NR3C1: variants seen among roughly 807,000 people sequenced by gnomAD.
NR3C1 encodes the protein glucocorticoid receptor.
In NR3C1, 14 loss-of-function variants were observed where a neutral mutation model predicts 74.0. That is an observed-to-expected ratio of 0.19 (90% confidence interval 0.12 to 0.30). The LOEUF is 0.30. Ranked by LOEUF, NR3C1 falls within the 10% of genes least tolerant of loss-of-function variation. The probability of loss-of-function intolerance (pLI) is 1.00; values close to 1 mark genes in which losing one functional copy is unlikely to be tolerated. For synonymous variants in NR3C1, 308 were observed against 332.5 expected (o/e 0.93, Z 0.80); for missense variants, 695 against 909.8 (o/e 0.76, Z 3.04).
At chr5:143,391,282 C>T (rs1365299736) in intron 2 of NR3C1, among the ~76,000 whole-genome samples, 1 of 152,064 alleles carries the variant, frequency 6.6e-6, no homozygotes, top group Non-Finnish European at 1.5e-5. Context: ...ATTTGTTTAA[C>T]TGAAGTTTTT....
intron 2 of NR3C1, among the ~76,000 whole-genome samples, chr5:143,368,718 C>T (rs1300738724): frequency 6.6e-6 from 1 of 152,072 alleles, no homozygotes; most frequent in Non-Finnish European, 1.5e-5. Context: ...ATAAAAAACA[C>T]AATGAGATAC....
intron 2 of NR3C1, among the ~76,000 whole-genome samples, chr5:143,323,291 G>A (rs1823769209): frequency 6.6e-6 from 1 of 152,172 alleles, no homozygotes; most frequent in Admixed American, 6.5e-5. Flanking sequence ...CACATGGCTG[G>A]GGAAGCCTCA....
chr5:143,433,835 A>C (rs915542982), intron 1 of NR3C1: 1 of 152,286 alleles, frequency 6.6e-6, no homozygotes, highest in African/African-American at 2.4e-5. Context: ...AACCTAAGGC[A>C]GGTCAGGGCG....
At position 143,403,602 on chromosome 5, in the gene NR3C1, C is replaced by G; in HGVS notation, c.-405G>C. The G allele has an allele frequency of 1.0e-6, 1 of 986,032 alleles. No homozygotes were observed. Among genetic ancestry groups the G allele is most frequent in the Non-Finnish European group, 1.2e-6 (1 of 830,378 alleles). The allele number at this position is 986,032 out of a possible 1,614,324, so 61.1% of individuals were successfully genotyped here. On this transcript the variant is annotated 5_prime_UTR_variant, in exon 1 of 9. Transcript: ENST00000394464. ...GCTCGCAAAATGGAGGAGGCGGCGG[C>G]GGAGGGAAGAGAGCGCGGACACGCG...
intron 2 of NR3C1, among the ~76,000 whole-genome samples, chr5:143,328,957 G>A (rs1825272393): frequency 6.6e-6 from 1 of 152,108 alleles, no homozygotes; most frequent in Non-Finnish European, 1.5e-5. Context: ...CCTCCAAACT[G>A]TTCTAACCAC....
chr5:143,307,175 C>T (rs1235446459), intron 4 of NR3C1, among the ~76,000 whole-genome samples: 2 of 152,150 alleles, frequency 1.3e-5, no homozygotes, highest in African/African-American at 2.4e-5. Flanking sequence ...GGATTACAGG[C>T]ATGAGCCACC....
At chr5:143,299,010 T>G (rs1015324565) in intron 5 of NR3C1, among the ~76,000 whole-genome samples, 198 bp from the exon 6 acceptor site, 148 of 147,004 alleles carry the variant, frequency 1.0e-3, no homozygotes, top group African/African-American at 3.5e-3. Flanking sequence ...CTTGTGTTTT[T>G]TTTTTTTTTT....
At chr5:143,405,324 A>G (rs1379757148), upstream of NR3C1, 5 of 985,198 alleles carry the variant, frequency 5.1e-6, no homozygotes, top group African/African-American at 1.7e-5. Context: ...GGCCACAGCC[A>G]CTCTCTCACC....
chr5:143,296,646 C>T (rs866203689), intron 6 of NR3C1, among the ~76,000 whole-genome samples: 9 of 151,992 alleles, frequency 5.9e-5, no homozygotes, highest in African/African-American at 1.4e-4. Context: ...TCCCCCACAA[C>T]GTTCTGACCT....
At chr5:143,354,917 C>T (rs1285392473) in intron 2 of NR3C1, among the ~76,000 whole-genome samples, 24 of 134,628 alleles carry the variant, frequency 1.8e-4, no homozygotes, top group African/African-American at 6.4e-4. Flanking sequence ...AGCAAAAGTC[C>T]GTCTCAAAAA....
intron 2 of NR3C1, 45 bp from the exon 3 acceptor site, chr5:143,314,213 A>G (rs373316995): frequency 7.0e-5 from 112 of 1,593,426 alleles, no homozygotes; most frequent in African/African-American, 5.4e-4. Context: ...TGTCAAAGGA[A>G]TATCAAAATA....
At chr5:143,299,343 TA>T (rs374503509) in intron 5 of NR3C1, among the ~76,000 whole-genome samples, 2,858 of 127,154 alleles carry the variant, frequency 0.022, 19 homozygotes, top group Non-Finnish European at 0.029. Flanking sequence ...GCTTTTAATG[TA>T]AAAAAAAAAA....
chr5:143,422,256 T>C (rs13170129), intron 1 of NR3C1, among the ~76,000 whole-genome samples: 27,677 of 152,204 alleles, frequency 0.18, 2,729 homozygotes, highest in Middle Eastern at 0.35. Context: ...ATATCTGGGC[T>C]CTGCCTCCCA....
At chr5:143,310,801 G>C (rs1261835843) in intron 3 of NR3C1, among the ~76,000 whole-genome samples, 1 of 152,058 alleles carries the variant, frequency 6.6e-6, no homozygotes, top group Non-Finnish European at 1.5e-5. Flanking sequence ...GGGATTACAG[G>C]TGCACGCCAC....
chr5:143,279,931 AT>A lies in NR3C1; in HGVS notation c.*1957del, dbSNP rs1812852199. On this transcript the variant is annotated 3_prime_UTR_variant, in exon 9 of 9. Transcript: ENST00000394464. ...TTTACATACTTTAGTGCAAGGGGAG[AT>A]TGAGTAAACTAAACCTGCGCTGACA... 1 of 152,874 alleles carries A rather than the reference AT, an allele frequency of 6.5e-6. No homozygotes were observed. Among genetic ancestry groups the A allele is most frequent in the Non-Finnish European group, 1.5e-5 (1 of 68,360 alleles). The allele number at this position is 152,874 out of a possible 1,614,324, so 9.5% of individuals were successfully genotyped here. A position where few individuals can be genotyped will look rare whatever the true frequency, so the allele number is the denominator to read the frequency against.
intron 1 of NR3C1, 117 bp downstream of exon 1, chr5:143,403,094 C>A: frequency 2.3e-6 from 2 of 871,600 alleles, no homozygotes; most frequent in Non-Finnish European, 2.8e-6. Flanking sequence ...CCCACCCCCA[C>A]TCCCCGAGGC....
In NR3C1 at chr5:143,279,518, C is replaced by A; in HGVS notation, c.*2371G>T. The stretch of plus-strand genomic sequence containing the variant: ...TCTTAGGCACCAAAAATTTATCCAG[C>A]CGGGTTACACACCATCTTAAAATAT... On this transcript the variant is annotated 3_prime_UTR_variant, in exon 9 of 9. Coordinates refer to ENST00000394464, the MANE Select transcript of NR3C1 (RefSeq NM_000176.3). 2.8e-6 allele frequency: 3 copies of A among 1,075,724 alleles called. No individual in the cohort carries two copies. Among genetic ancestry groups the A allele is most frequent in the Non-Finnish European group, 3.8e-6 (3 of 792,726 alleles). 66.6% of individuals were successfully genotyped at this position (1,075,724 alleles called of 1,614,324 possible).
At chr5:143,312,805 A>G (rs1012484515) in intron 3 of NR3C1, among the ~76,000 whole-genome samples, 11 of 152,186 alleles carry the variant, frequency 7.2e-5, no homozygotes, top group Admixed American at 7.2e-4. Flanking sequence ...AGTGAGGAGT[A>G]AAGTGAGGAC....
At chr5:143,378,002 C>T (rs1319663003) in intron 2 of NR3C1, among the ~76,000 whole-genome samples, 1 of 152,134 alleles carries the variant, frequency 6.6e-6, no homozygotes, top group Non-Finnish European at 1.5e-5. Context: ...GTAATCCCAG[C>T]ATTTTGGAAG....
Sources: allele counts gnomAD v4.1 joint callset (sites outside exome capture counted in the v4.1 genomes callset), GRCh38; gene constraint gnomAD v4.1.1; transcripts MANE v1.5; gene names NCBI Gene and HGNC (gene_info 2026-07-23, HGNC 2026-07-21).